DEAF1: variants seen among roughly 807,000 people sequenced by gnomAD.
DEAF1 encodes deformed epidermal autoregulatory factor 1 homolog.
A neutral mutation model predicts 58.9 loss-of-function variants in DEAF1; 53 were observed. That is an observed-to-expected ratio of 0.90 (90% CI 0.72 to 1.13). The LOEUF is 1.13. DEAF1 is among the 50% of genes most tolerant of loss of function. The pLI is 0.00. For synonymous variants in DEAF1, 385 were observed against 340.4 expected, an observed-to-expected ratio of 1.13 and a Z score of -1.44; for missense variants, 685 against 791.4, an observed-to-expected ratio of 0.87 and a Z score of 1.61.
At chr11:671,789 G>A (rs181485176) in intron 10 of DEAF1, among the ~76,000 whole-genome samples, 45 of 128,082 alleles carry the variant, frequency 3.5e-4, no homozygotes, top group African/African-American at 1.2e-3. Context: ...CCTACAATGA[G>A]CCATGAGCCT....
chr11:669,161 C>T (rs1457994144), intron 10 of DEAF1, among the ~76,000 whole-genome samples: 1 of 131,052 alleles, frequency 7.6e-6, no homozygotes, highest in African/African-American at 2.9e-5. Context: ...GACAGGGTCT[C>T]ACAATGTCCA....
intron 10 of DEAF1, among the ~76,000 whole-genome samples, chr11:663,086 C>T (rs1859384607): frequency 6.6e-6 from 1 of 152,128 alleles, no homozygotes; most frequent in African/African-American, 2.4e-5. Flanking sequence ...GCTGACTGGG[C>T]GAATATCTTG....
Position 680,990 on chromosome 11 carries a change from A to G in DEAF1, c.970T>C (p.Leu324=), listed in dbSNP as rs755002147. 11 of 1,614,000 alleles carry G rather than the reference A, an allele frequency of 6.8e-6. No homozygotes were observed. The East Asian group carries it at 1.3e-4, about 20-fold the overall frequency. Residue 324 remains leucine, a synonymous_variant, in exon 7 of 12, where the codon TTG becomes CTG. Coordinates refer to ENST00000382409, the MANE Select transcript of DEAF1 (RefSeq NM_021008.4). ...VKKDSPKNIT[L]LPATAATTFT... is the part of the protein sequence containing the mutation. ...GTGGTAGCCGCGGTGGCTGGAAGCA[A>G]TGTGATGTTCTTGGGGGAGTCCTTC... is the stretch of plus-strand genomic sequence containing the variant.
chr11:651,414 G>GAAAAAAAAAAA, intron 11 of DEAF1: 1 of 234,336 alleles, frequency 4.3e-6, no homozygotes, highest in Non-Finnish European at 8.1e-6. Context: ...ATCTCTGTAA[G>GAAAAAAAAAAA]AAAAAAAAAA....
upstream of DEAF1, chr11:695,980 C>T: frequency 2.7e-6 from 2 of 730,154 alleles, no homozygotes; most frequent in Non-Finnish European, 3.8e-6. Context: ...GAGACAGCTC[C>T]GTCACCCCAT....
chr11:691,726 T>A, intron 1 of DEAF1, 128 bp from the exon 2 acceptor site: 1 of 761,474 alleles, frequency 1.3e-6, no homozygotes, highest in Non-Finnish European at 2.3e-6. Flanking sequence ...AGGAAGATCT[T>A]AACACTTCCA....
chr11:644,461 T>TC lies in DEAF1; in HGVS notation c.*88dup. 2.1e-6 allele frequency: 2 copies of TC among 948,444 alleles called. No homozygotes were observed. Among genetic ancestry groups the TC allele is most frequent in the South Asian group, 2.7e-5 (2 of 73,582 alleles). 58.8% of individuals were successfully genotyped at this position (948,444 alleles called of 1,614,324 possible). A position where few individuals can be genotyped will look rare whatever the true frequency, so the allele number is the denominator to read the frequency against. On this transcript the variant is annotated 3_prime_UTR_variant, in exon 12 of 12. Coordinates refer to ENST00000382409, the MANE Select transcript of DEAF1 (RefSeq NM_021008.4). The surrounding 1 kb of genome is among the most constrained non-coding windows in gnomAD (Gnocchi z 4.3). ...CCTTCCCACACCCCTCTTCTCAACG[T>TC]CCCCCCAGAGTCCTCAGGGGGGCCT...
chr11:704,336 C>T, intron 1 of DEAF1: 2 of 821,388 alleles, frequency 2.4e-6, no homozygotes, highest in South Asian at 3.1e-5. Context: ...GCTGGGGTGG[C>T]TGTGGCTGTG....
At chr11:669,564 A>G (rs1859712446) in intron 10 of DEAF1, among the ~76,000 whole-genome samples, 1 of 151,148 alleles carries the variant, frequency 6.6e-6, no homozygotes, top group Non-Finnish European at 1.5e-5. Context: ...TGAACCTGGG[A>G]GGTGGAGGTT....
intron 5 of DEAF1, among the ~76,000 whole-genome samples, chr11:685,436 T>C (rs1055311555): frequency 2.0e-5 from 3 of 152,162 alleles, no homozygotes; most frequent in African/African-American, 7.2e-5. Context: ...GGCTCATGCC[T>C]GTAATCCCAG....
intron 9 of DEAF1, among the ~76,000 whole-genome samples, chr11:675,080 G>C (rs1054808731): frequency 2.0e-5 from 3 of 152,166 alleles, no homozygotes; most frequent in African/African-American, 7.2e-5. Context: ...GCTACCTCGG[G>C]AGGCTGAGGC....
chr11:704,743 G>A (rs746682350), intron 1 of DEAF1: 118 of 958,160 alleles, frequency 1.2e-4, no homozygotes, highest in Non-Finnish European at 1.7e-4. Context: ...GAGTGGATGG[G>A]GCCCGAGAGG....
chr11:688,321 A>T lies in DEAF1; in HGVS notation c.517+10T>A. Reference sequence around the variant, plus strand: ...TTTGCCCGAGGCCTGGGGTGCAGGCACCGCTGTACCTGGGGTGAGGGGAGC... The same window carrying T: ...TTTGCCCGAGGCCTGGGGTGCAGGCTCCGCTGTACCTGGGGTGAGGGGAGC... On this transcript the variant is annotated intron_variant, in intron 3 of 11. Transcript: ENST00000382409. The surrounding 1 kb of genome is among the most constrained non-coding windows in gnomAD (Gnocchi z 4.3). 6.2e-7 allele frequency: 1 copy of T among 1,612,758 alleles called. No individual in the cohort carries two copies. The highest frequency in any genetic ancestry group is 1.7e-5 in the Admixed American group (1 of 59,962).
At chr11:691,720 A>T in intron 1 of DEAF1, 122 bp from the exon 2 acceptor site, 3 of 776,988 alleles carry the variant, frequency 3.9e-6, no homozygotes, top group Non-Finnish European at 6.6e-6. Context: ...GTAACCAGGA[A>T]GATCTTAACA....
intron 9 of DEAF1, 48 bp downstream of exon 9, chr11:678,646 A>G (rs1274604347): frequency 6.2e-7 from 1 of 1,612,694 alleles, no homozygotes; most frequent in African/African-American, 1.3e-5. Flanking sequence ...CATTGGAAGC[A>G]ATTCTGAGGA....
chr11:700,639 G>A lies in DEAF1; in HGVS notation c.-438+5933C>T, dbSNP rs547402747. The A allele has an allele frequency of 2.5e-5, 40 of 1,614,020 alleles. No individual in the cohort carries two copies. The African/African-American group carries it at 3.2e-4, about 13-fold the overall frequency. ...GGTCAGGTGTTCAGCTATCCTCACCGCTACCTGGTCCTCGATCTTGCTCTG... is the reference window on the plus strand; with the variant it reads ...GGTCAGGTGTTCAGCTATCCTCACCACTACCTGGTCCTCGATCTTGCTCTG... On this transcript the variant is annotated intron_variant, in intron 1 of 11. Coordinates refer to the DEAF1 transcript ENST00000683307.
chr11:679,980 T>C, intron 7 of DEAF1, 164 bp from the exon 8 acceptor site: 2 of 964,650 alleles, frequency 2.1e-6, no homozygotes, highest in Non-Finnish European at 3.1e-6. Context: ...TCCCAGACCT[T>C]GGAGAAGACC....
chr11:692,744 C>A (rs1229574618), intron 1 of DEAF1, among the ~76,000 whole-genome samples: 1 of 151,836 alleles, frequency 6.6e-6, no homozygotes, highest in Non-Finnish European at 1.5e-5. Flanking sequence ...CCCAGCTACT[C>A]GGGAGGCTGA....
At chr11:704,253 C>T (rs1021976820) in intron 1 of DEAF1, 22 of 762,896 alleles carry the variant, frequency 2.9e-5, no homozygotes, top group Non-Finnish European at 3.2e-5. Flanking sequence ...GGCTGCCGGG[C>T]GCCTTCCGCT....
Sources: allele counts gnomAD v4.1 joint callset (sites outside exome capture counted in the v4.1 genomes callset), GRCh38; gene constraint gnomAD v4.1.1; non-coding constraint Gnocchi (gnomAD v3.1); transcripts MANE v1.5; gene names NCBI Gene and HGNC (gene_info 2026-07-23, HGNC 2026-07-21).